L3MBTL4: variants seen among roughly 807,000 people sequenced by gnomAD.
The protein encoded by L3MBTL4 is L3MBTL histone methyl-lysine binding protein 4.
A neutral mutation model predicts 84.5 loss-of-function variants in L3MBTL4; 70 were observed. The ratio of observed to expected loss-of-function variants is 0.83; its 90% CI spans 0.68 to 1.01. L3MBTL4 has a LOEUF of 1.01. L3MBTL4 is among the 50% of genes least tolerant of loss of function. L3MBTL4 has a pLI of 0.00. For missense variants in L3MBTL4, 715 were observed against 754.8 expected (o/e 0.95, Z 0.62); for synonymous variants, 274 against 259.8 (o/e 1.05, Z -0.52).
intron 1 of L3MBTL4, among the ~76,000 whole-genome samples, chr18:6,345,418 AAAC>A (rs2052847373): frequency 1.3e-5 from 2 of 150,932 alleles, no homozygotes; most frequent in African/African-American, 2.4e-5. Context: ...ACAAACAAAC[AAAC>A]AAAAAAAACC....
chr18:6,061,410 C>T (rs373152497), intron 16 of L3MBTL4, among the ~76,000 whole-genome samples: 1 of 151,942 alleles, frequency 6.6e-6, no homozygotes, highest in African/African-American at 2.4e-5. Flanking sequence ...ATATGTTTTG[C>T]AAATCTTTTG....
chr18:6,090,031 G>T (rs974040949), intron 15 of L3MBTL4, among the ~76,000 whole-genome samples: 12 of 152,066 alleles, frequency 7.9e-5, no homozygotes, highest in Admixed American at 7.9e-4. Flanking sequence ...ATGGATTAAG[G>T]TATTTTCTAC....
At chr18:6,019,017 C>G (rs1365456587) in intron 16 of L3MBTL4, among the ~76,000 whole-genome samples, 3 of 152,164 alleles carry the variant, frequency 2.0e-5, no homozygotes, top group African/African-American at 7.2e-5. Context: ...AAAAGATAGG[C>G]TTATAGTGCA....
chr18:6,189,672 T>G (rs2044971047), intron 12 of L3MBTL4, among the ~76,000 whole-genome samples: 1 of 152,012 alleles, frequency 6.6e-6, no homozygotes, highest in Non-Finnish European at 1.5e-5. Flanking sequence ...TTGGAGAAAT[T>G]TAACAGAAAA....
intron 16 of L3MBTL4, among the ~76,000 whole-genome samples, chr18:6,067,173 G>A (rs2057429997): frequency 6.6e-6 from 1 of 152,154 alleles, no homozygotes; most frequent in African/African-American, 2.4e-5. Context: ...TCTGCTGTTA[G>A]TTGGATAGGT....
intron 3 of L3MBTL4, among the ~76,000 whole-genome samples, chr18:6,302,401 C>T (rs544628275): frequency 6.6e-6 from 1 of 152,238 alleles, no homozygotes; most frequent in East Asian, 1.9e-4. Context: ...ACCAAACTGA[C>T]CTTCATAGAA....
chr18:6,371,251 C>G (rs1430781365), intron 1 of L3MBTL4, among the ~76,000 whole-genome samples: 2 of 152,174 alleles, frequency 1.3e-5, no homozygotes, highest in Non-Finnish European at 2.9e-5. Context: ...GCTTGCCACC[C>G]CCTGGCTTAC....
At chr18:6,295,535 C>T (rs187098091) in intron 4 of L3MBTL4, among the ~76,000 whole-genome samples, 379 of 151,930 alleles carry the variant, frequency 2.5e-3, no homozygotes, top group African/African-American at 8.4e-3. Context: ...CAGAATCCTA[C>T]GGAGGGGGGC....
At chr18:6,175,263 G>A (rs1028148733) in intron 12 of L3MBTL4, among the ~76,000 whole-genome samples, 1 of 151,998 alleles carries the variant, frequency 6.6e-6, no homozygotes, top group African/African-American at 2.4e-5. Flanking sequence ...CAGGCAAGAA[G>A]ATAATAAAAT....
chr18:6,203,494 C>T (rs965672259), intron 12 of L3MBTL4, among the ~76,000 whole-genome samples: 2 of 152,162 alleles, frequency 1.3e-5, no homozygotes, highest in African/African-American at 2.4e-5. Flanking sequence ...AACCTTATAA[C>T]AGTATTGAGT....
rs953862108 is a variant in L3MBTL4 at position 6,318,088 on chromosome 18, G to A, written c.-90-6032C>T. On this transcript the variant is annotated intron_variant, in intron 1 of 18. Transcript: ENST00000317931. ...TGTCAGTACCCCAGACCAGCCCTAC[G>A]AGAAAGGTTAAAAGGAGTTATAAAT... 2.6e-5 allele frequency among the ~76,000 whole-genome samples: 4 copies of A among 152,194 alleles called. No homozygotes were observed. The South Asian group carries it at 6.2e-4, about 24-fold the overall frequency.
intron 1 of L3MBTL4, among the ~76,000 whole-genome samples, chr18:6,374,685 C>T (rs1471397879): frequency 6.6e-6 from 1 of 152,182 alleles, no homozygotes; most frequent in Non-Finnish European, 1.5e-5. Flanking sequence ...TGCCCTTCCA[C>T]AGTGAGTCCT....
chr18:6,261,643 C>T (rs2048404436), intron 5 of L3MBTL4, among the ~76,000 whole-genome samples: 1 of 152,192 alleles, frequency 6.6e-6, no homozygotes, highest in Admixed American at 6.5e-5. Flanking sequence ...TTCCCAACAC[C>T]ATCATGAGGA....
intron 13 of L3MBTL4, among the ~76,000 whole-genome samples, chr18:6,149,465 T>C (rs1013644977): frequency 6.6e-6 from 1 of 151,852 alleles, no homozygotes; most frequent in South Asian, 2.1e-4. Flanking sequence ...ACATTTGGGT[T>C]GGTTCCAAGT....
chr18:6,105,581 C>T (rs1000241949), intron 14 of L3MBTL4, among the ~76,000 whole-genome samples: 9 of 151,470 alleles, frequency 5.9e-5, no homozygotes, highest in African/African-American at 2.2e-4. Flanking sequence ...GGCAGATCTC[C>T]TGAGGTCAGG....
chr18:5,958,731 A>G (rs2095246971), intron 18 of L3MBTL4, among the ~76,000 whole-genome samples: 1 of 152,150 alleles, frequency 6.6e-6, no homozygotes, highest in East Asian at 1.9e-4. Flanking sequence ...GGACAAGAAC[A>G]GGGCTCGGTG....
At chr18:6,390,658 A>G (rs1221600376) in intron 1 of L3MBTL4, among the ~76,000 whole-genome samples, 5 of 152,112 alleles carry the variant, frequency 3.3e-5, no homozygotes. Context: ...TACAACCAAC[A>G]CCACAGAAAT....
chr18:6,011,654 T>C (rs1352070936), intron 16 of L3MBTL4, among the ~76,000 whole-genome samples: 1 of 152,168 alleles, frequency 6.6e-6, no homozygotes, highest in African/African-American at 2.4e-5. Flanking sequence ...CAGCGACATA[T>C]CATACCCTTC....
chr18:6,296,256 A>G (rs1378730602), intron 4 of L3MBTL4, among the ~76,000 whole-genome samples: 8 of 152,156 alleles, frequency 5.3e-5, no homozygotes, highest in Non-Finnish European at 1.0e-4. Context: ...CCCTGATAAT[A>G]AGTTAACCAC....
Sources: allele counts gnomAD v4.1 joint callset (sites outside exome capture counted in the v4.1 genomes callset), GRCh38; gene constraint gnomAD v4.1.1; transcripts MANE v1.5; gene names NCBI Gene and HGNC (gene_info 2026-07-23, HGNC 2026-07-21).